The following KCND2 variants were observed in gnomAD, a reference collection of about 807,000 sequenced individuals.
KCND2 encodes A-type voltage-gated potassium channel KCND2.
A neutral mutation model predicts 54.4 loss-of-function variants in KCND2; 16 were observed. That is an observed-to-expected ratio of 0.29 (90% confidence interval 0.20 to 0.45). The LOEUF (loss-of-function observed/expected upper bound fraction) is 0.45, where lower values mean the gene tolerates loss of function less well. Among genes scored for constraint, KCND2 ranks in the 20% least tolerant of loss-of-function variants. KCND2 has a pLI of 1.00. For synonymous variants in KCND2, 317 were observed against 310.7 expected (o/e 1.02, Z -0.21); for missense variants, 486 against 824.2 (o/e 0.59, Z 5.02).
intron 1 of KCND2, among the ~76,000 whole-genome samples, chr7:120,368,794 G>C (rs2116412397): frequency 6.6e-6 from 1 of 152,236 alleles, no homozygotes; most frequent in Middle Eastern, 3.4e-3. Flanking sequence ...ATGTGAAGAA[G>C]ACTGTAATAA....
chr7:120,478,130 C>T (rs1802556203), intron 1 of KCND2, among the ~76,000 whole-genome samples: 1 of 152,080 alleles, frequency 6.6e-6, no homozygotes, highest in Non-Finnish European at 1.5e-5. Context: ...CAAACATACA[C>T]AAGAAATACA....
chr7:120,437,151 A>C (rs1801878879), intron 1 of KCND2, among the ~76,000 whole-genome samples: 1 of 148,618 alleles, frequency 6.7e-6, no homozygotes, highest in South Asian at 2.1e-4. Context: ...AGGTAATTTT[A>C]TTTCTGTTGA....
intron 1 of KCND2, among the ~76,000 whole-genome samples, chr7:120,564,997 G>A (rs912089786): frequency 1.3e-5 from 2 of 152,094 alleles, no homozygotes; most frequent in East Asian, 3.9e-4. Flanking sequence ...TGTAATGTAG[G>A]GAAGGGGATT....
At position 120,747,744 on chromosome 7, in the gene KCND2, G is replaced by C. The variant is rs1793024661; in HGVS notation, c.1779G>C (p.Val593=). 1.2e-6 allele frequency: 2 copies of C among 1,612,522 alleles called. No individual in the cohort carries two copies. Among genetic ancestry groups the C allele is most frequent in the Non-Finnish European group, 1.7e-6 (2 of 1,179,020 alleles). The part of the protein sequence containing the change: ...CVKLNCEQPY[V]TTAIISIPTP... ...AACTAAACTGTGAACAACCTTATGT[G>C]ACTACAGCAATAATAAGCATCCCAA... is the stretch of plus-strand genomic sequence containing the variant. The change falls in exon 6 of 6, where the codon GTG becomes GTC. Residue 593 remains valine, a synonymous_variant. Transcript: ENST00000331113.
At chr7:120,337,488 C>A (rs1000074514) in intron 1 of KCND2, among the ~76,000 whole-genome samples, 1 of 152,122 alleles carries the variant, frequency 6.6e-6, no homozygotes, top group African/African-American at 2.4e-5. Flanking sequence ...GGGCAGGAGA[C>A]CTGGGTTCTG....
intron 1 of KCND2, among the ~76,000 whole-genome samples, chr7:120,478,900 A>G (rs1802565897): frequency 1.3e-5 from 2 of 152,134 alleles, no homozygotes; most frequent in African/African-American, 4.8e-5. Flanking sequence ...AATATGGTAA[A>G]CCATTAACAT....
chr7:120,468,306 A>T (rs1802407999), intron 1 of KCND2, among the ~76,000 whole-genome samples: 1 of 152,144 alleles, frequency 6.6e-6, no homozygotes, highest in South Asian at 2.1e-4. Flanking sequence ...AGAATTAGTA[A>T]TTTATTTTCA....
intron 1 of KCND2, among the ~76,000 whole-genome samples, chr7:120,721,984 C>T (rs555497655): frequency 8.0e-4 from 122 of 152,266 alleles, no homozygotes; most frequent in African/African-American, 2.8e-3. Flanking sequence ...GTCACTCTCC[C>T]TTTGCCAGCT....
At chr7:120,541,709 G>A (rs2116381567) in intron 1 of KCND2, among the ~76,000 whole-genome samples, 1 of 152,152 alleles carries the variant, frequency 6.6e-6, no homozygotes, top group Non-Finnish European at 1.5e-5. Context: ...AGAGCAGGAG[G>A]AGGATCTTGG....
intron 1 of KCND2, among the ~76,000 whole-genome samples, chr7:120,434,800 T>G (rs991927650): frequency 1.4e-5 from 2 of 146,686 alleles, no homozygotes; most frequent in Non-Finnish European, 3.0e-5. Context: ...TTCACTGCTG[T>G]GTAAAAAGAT....
chr7:120,624,760 G>T (rs1374436317), intron 1 of KCND2, among the ~76,000 whole-genome samples: 1 of 147,316 alleles, frequency 6.8e-6, no homozygotes, highest in African/African-American at 2.6e-5. Context: ...CAGTCTGAGT[G>T]ATAAACTGAG....
At chr7:120,411,310 T>C (rs1584767802) in intron 1 of KCND2, among the ~76,000 whole-genome samples, 1 of 152,036 alleles carries the variant, frequency 6.6e-6, no homozygotes, top group African/African-American at 2.4e-5. Context: ...ATTTTTTTTT[T>C]CATTTTTACT....
At chr7:120,381,365 CA>C (rs2116026778) in intron 1 of KCND2, among the ~76,000 whole-genome samples, 1 of 152,148 alleles carries the variant, frequency 6.6e-6, no homozygotes, top group South Asian at 2.1e-4. Flanking sequence ...ACACATAATA[CA>C]ATTCTTATTT....
At chr7:120,744,832 A>G (rs1792985947) in intron 4 of KCND2, among the ~76,000 whole-genome samples, 2 of 152,202 alleles carry the variant, frequency 1.3e-5, no homozygotes, top group South Asian at 4.1e-4. Flanking sequence ...CATGCAAAGA[A>G]AAACAAAATA....
intron 1 of KCND2, among the ~76,000 whole-genome samples, chr7:120,644,794 A>G (rs987177519): frequency 6.6e-6 from 1 of 152,216 alleles, no homozygotes; most frequent in Non-Finnish European, 1.5e-5. Flanking sequence ...TACAGAAATT[A>G]TTTGTGTGTC....
intron 1 of KCND2, among the ~76,000 whole-genome samples, chr7:120,559,148 T>C (rs769906662): frequency 6.6e-6 from 1 of 152,156 alleles, no homozygotes; most frequent in Non-Finnish European, 1.5e-5. Flanking sequence ...TTTATGAGAA[T>C]ATGATTAGCT....
intron 1 of KCND2, among the ~76,000 whole-genome samples, chr7:120,725,608 C>T (rs1792723759): frequency 6.6e-6 from 1 of 152,120 alleles, no homozygotes; most frequent in African/African-American, 2.4e-5. Context: ...TGTTTCCAAA[C>T]TTTCATTTAG....
intron 1 of KCND2, among the ~76,000 whole-genome samples, chr7:120,416,092 C>T (rs905242877): frequency 2.6e-5 from 4 of 152,154 alleles, no homozygotes; most frequent in Non-Finnish European, 5.9e-5. Context: ...GCCAACATTG[C>T]TTCAATAGTA....
chr7:120,700,734 A>G (rs1464306570), intron 1 of KCND2, among the ~76,000 whole-genome samples: 1 of 152,112 alleles, frequency 6.6e-6, no homozygotes, highest in African/African-American at 2.4e-5. Flanking sequence ...CTGTTTTTTG[A>G]TGGTTAAGAT....
Sources: gnomAD v4.1 joint callset for allele counts (sites outside exome capture counted in the v4.1 genomes callset) on GRCh38, gnomAD v4.1.1 for gene constraint, MANE v1.5 for transcripts, NCBI Gene and HGNC (gene_info 2026-07-23, HGNC 2026-07-21) for gene names.